The following BCL9 variants were observed in gnomAD, a reference collection of about 807,000 sequenced individuals.
The protein encoded by BCL9 is BCL9 transcription coactivator.
In BCL9, 25 loss-of-function variants were observed where a neutral mutation model predicts 88.5. The observed-to-expected ratio is 0.28, with a 90% CI of 0.21 to 0.39. The LOEUF (loss-of-function observed/expected upper bound fraction) is 0.39, where lower values mean the gene tolerates loss of function less well. Ranked by LOEUF, BCL9 falls within the 10% of genes least tolerant of loss-of-function variation. BCL9 has a pLI of 1.00. For synonymous variants in BCL9, 711 were observed against 673.3 expected, an observed-to-expected ratio of 1.06 and a Z score of -0.87; for missense variants, 1,817 against 1,877.8, an observed-to-expected ratio of 0.97 and a Z score of 0.60.
At chr1:147,617,728 G>GT in intron 7 of BCL9, among the ~76,000 whole-genome samples, 1 of 152,314 alleles carries the variant, frequency 6.6e-6, no homozygotes, top group East Asian at 1.9e-4. Context: ...AGGTGAGGAG[G>GT]TAAGAGCCTG....
chr1:147,554,618 T>C lies in BCL9; in HGVS notation c.-478+12944T>C, dbSNP rs183806723. On this transcript the variant is annotated intron_variant, in intron 1 of 9. Coordinates refer to ENST00000234739, the MANE Select transcript of BCL9 (RefSeq NM_004326.4). ...CAGGGTTTGTGAAGTGAACAGCTCA[T>C]GAGAAAGGCAGTCTGGGCTATTGAG... Among the ~76,000 whole-genome samples, 12 of 152,306 alleles carry C rather than the reference T, an allele frequency of 7.9e-5. No individual in the cohort carries two copies. In the East Asian group the frequency reaches 1.9e-3, roughly 24 times the overall value.
Position 147,621,023 on chromosome 1 carries a change from G to A in BCL9, c.2868G>A (p.Met956Ile). The A allele has an allele frequency of 6.2e-7, 1 of 1,613,956 alleles. No homozygotes were observed. Among genetic ancestry groups the A allele is most frequent in the Non-Finnish European group, 8.5e-7 (1 of 1,179,960 alleles). Reference sequence around the variant, plus strand: ...CAAACCATAAAGCACCCCTCACCATGGCCTCCCCAGCCATGCTGGGAAATG... The same window carrying A: ...CAAACCATAAAGCACCCCTCACCATAGCCTCCCCAGCCATGCTGGGAAATG... Reference protein sequence around the residue: ...IPPNHKAPLTMASPAMLGNVE... With the variant: ...IPPNHKAPLTIASPAMLGNVE... Residue 956 changes from methionine to isoleucine, a missense_variant, in exon 8 of 10, where the codon ATG (methionine) becomes ATA (isoleucine). Met to Ile is a conservative substitution (Grantham distance 10). This residue lies in a region of BCL9 where 589 missense variants were observed against 686.2 expected (regional missense o/e 0.86). Transcript: ENST00000234739.
Position 147,625,877 on chromosome 1 carries a change from G to A in BCL9, c.*918G>A, listed in dbSNP as rs746064762. 8.2e-5 allele frequency: 19 copies of A among 232,898 alleles called. No homozygotes were observed. The highest frequency in any genetic ancestry group is 3.5e-4 in the African/African-American group (16 of 45,258). The allele number at this position is 232,898 out of a possible 1,614,324, so 14.4% of individuals were successfully genotyped here. On this transcript the variant is annotated 3_prime_UTR_variant, in exon 10 of 10. Transcript: ENST00000234739. ...CAAAGCCTCGCCTTCCATGCCGAGC[G>A]TCCTCTTGGCTCTGAGAGGGAAAGG... is the stretch of plus-strand genomic sequence containing the variant.
At chr1:147,615,929 G>C (rs587706745) in intron 7 of BCL9, 27 bp downstream of exon 7, 2 of 1,578,152 alleles carry the variant, frequency 1.3e-6, no homozygotes, top group Non-Finnish European at 1.7e-6. Flanking sequence ...ACTGAGTAAT[G>C]GTTTAATGAT....
chr1:147,621,911 C>T lies in BCL9; in HGVS notation c.2903-360C>T, dbSNP rs77493915. Among the ~76,000 whole-genome samples, 620 of 152,218 alleles carry T rather than the reference C, an allele frequency of 4.1e-3. 7 individuals are homozygous for T. The highest frequency in any genetic ancestry group is 0.014 in the African/African-American group (587 of 41,504). On this transcript the variant is annotated intron_variant, in intron 8 of 9. Transcript: ENST00000234739. ...CTTCATAGCATACTAATACCTGAGT[C>T]GAATTCTAAACTGTGATTGGCAAGG... is the stretch of plus-strand genomic sequence containing the variant.
chr1:147,557,525 T>C (rs587653083), intron 1 of BCL9, among the ~76,000 whole-genome samples: 2 of 152,228 alleles, frequency 1.3e-5, no homozygotes, highest in South Asian at 4.1e-4. Context: ...AAGATAAGGG[T>C]AGAGGCTTGG....
chr1:147,622,119 T>C (rs1658678910), intron 8 of BCL9, 152 bp from the exon 9 acceptor site: 1 of 1,124,246 alleles, frequency 8.9e-7, no homozygotes, highest in Middle Eastern at 3.0e-4. Context: ...AGAGCTTGAC[T>C]AGAAGATTGA....
intron 1 of BCL9, among the ~76,000 whole-genome samples, chr1:147,546,763 CTA>C (rs1253316484): frequency 6.6e-6 from 1 of 152,122 alleles, no homozygotes; most frequent in African/African-American, 2.4e-5. Context: ...ATCATAGCGA[CTA>C]TGTTGACATT....
intron 1 of BCL9, among the ~76,000 whole-genome samples, chr1:147,565,521 G>C (rs915601381): frequency 1.3e-5 from 2 of 152,140 alleles, no homozygotes; most frequent in African/African-American, 4.8e-5. Context: ...GTGAAGATAC[G>C]ATGAAAATTG....
At chr1:147,592,519 C>A (rs189856169) in intron 1 of BCL9, among the ~76,000 whole-genome samples, 146 of 152,300 alleles carry the variant, frequency 9.6e-4, no homozygotes, top group African/African-American at 3.4e-3. Flanking sequence ...ACAAGGCTAA[C>A]CTTTTATTAT....
At chr1:147,573,274 A>G (rs1553197685) in intron 1 of BCL9, among the ~76,000 whole-genome samples, 1 of 152,188 alleles carries the variant, frequency 6.6e-6, no homozygotes, top group African/African-American at 2.4e-5. Context: ...AACATGGTGA[A>G]ACCCCATCTC....
rs1381243530 is a variant in BCL9, at chr1:147,621,166, C to T, written c.2902+109C>T. 7.1e-5 allele frequency: 88 copies of T among 1,247,996 alleles called. 1 individual carries two copies. The highest frequency in any genetic ancestry group is 9.1e-5 in the Non-Finnish European group (83 of 914,834). The allele number at this position is 1,247,996 out of a possible 1,614,324, so 77.3% of individuals were successfully genotyped here. ...TGAGTACACAGACAGAGGAGGCAGT[C>T]TTTGTTGAAATGGCCATATTTGTGG... On this transcript the variant is annotated intron_variant, in intron 8 of 9. Coordinates refer to ENST00000234739, the MANE Select transcript of BCL9 (RefSeq NM_004326.4).
intron 1 of BCL9, among the ~76,000 whole-genome samples, chr1:147,565,948 A>T (rs1194786535): frequency 2.0e-5 from 3 of 152,106 alleles, no homozygotes; most frequent in African/African-American, 7.2e-5. Context: ...AACCAACACA[A>T]TACTTGCAAT....
At chr1:147,621,128 A>C in intron 8 of BCL9, 71 bp downstream of exon 8, 1 of 1,454,600 alleles carries the variant, frequency 6.9e-7, no homozygotes, top group East Asian at 2.3e-5. Context: ...TTACTTTAAG[A>C]AAACTGGTGT....
At chr1:147,605,671 T>C (rs1657662652) in intron 2 of BCL9, among the ~76,000 whole-genome samples, 1 of 152,242 alleles carries the variant, frequency 6.6e-6, no homozygotes, top group South Asian at 2.1e-4. Context: ...GTTTACTTTC[T>C]CCACATGTTG....
chr1:147,562,412 G>A (rs1655420953), intron 1 of BCL9, among the ~76,000 whole-genome samples: 1 of 152,096 alleles, frequency 6.6e-6, no homozygotes, highest in Non-Finnish European at 1.5e-5. Context: ...CATTTCTTCG[G>A]TACTGGGGAG....
At chr1:147,549,713 G>C (rs1401698183) in intron 1 of BCL9, among the ~76,000 whole-genome samples, 1 of 152,292 alleles carries the variant, frequency 6.6e-6, no homozygotes, top group South Asian at 2.1e-4. Flanking sequence ...GACATTCATC[G>C]TGAAGATGCT....
chr1:147,578,518 A>G (rs1656210237), intron 1 of BCL9, among the ~76,000 whole-genome samples: 2 of 152,198 alleles, frequency 1.3e-5, no homozygotes, highest in African/African-American at 2.4e-5. Flanking sequence ...GTATATGCAA[A>G]TATTTCAAAA....
chr1:147,592,378 C>T (rs150329813), intron 1 of BCL9, among the ~76,000 whole-genome samples: 1 of 152,340 alleles, frequency 6.6e-6, no homozygotes, highest in Non-Finnish European at 1.5e-5. Flanking sequence ...ATCTTTCCTT[C>T]TATCTTGAAT....
Sources: gnomAD v4.1 joint callset for allele counts (sites outside exome capture counted in the v4.1 genomes callset) on GRCh38, gnomAD v4.1.1 for gene constraint, gnomAD v4.1.1 regional missense constraint, MANE v1.5 for transcripts, NCBI Gene and HGNC (gene_info 2026-07-23, HGNC 2026-07-21) for gene names.